The following SMYD3 variants were observed in gnomAD, a reference collection of about 807,000 sequenced individuals.
The protein encoded by SMYD3 is histone-lysine N-methyltransferase SMYD3.
A neutral mutation model predicts 57.7 loss-of-function variants in SMYD3; 36 were observed. The observed-to-expected ratio is 0.62, with a 90% CI of 0.48 to 0.82. The LOEUF is 0.82. SMYD3 is among the 40% of genes least tolerant of loss of function. SMYD3 has a pLI of 0.00. For missense variants in SMYD3, 515 were observed against 538.8 expected, an observed-to-expected ratio of 0.96 and a Z score of 0.44; for synonymous variants, 211 against 195.0, an observed-to-expected ratio of 1.08 and a Z score of -0.68.
In SMYD3 at chr1:246,261,346, C is replaced by T. The variant is rs565076782; in HGVS notation, c.531+65855G>A. On this transcript the variant is annotated intron_variant, in intron 5 of 11. Coordinates refer to ENST00000490107, the MANE Select transcript of SMYD3 (RefSeq NM_001167740.2). ...TGCTGGGATTACAAGCATGAGCCAC[C>T]GCACCCAGCTCTCTTTGTTTTTTTT... Among the ~76,000 whole-genome samples the T allele has an allele frequency of 1.2e-4, 18 of 150,442 alleles. No individual in the cohort carries two copies. In the South Asian group the frequency reaches 3.8e-3, roughly 32 times the overall value.
chr1:246,449,151 G>C (rs979872586), intron 1 of SMYD3, among the ~76,000 whole-genome samples: 3 of 152,080 alleles, frequency 2.0e-5, no homozygotes, highest in African/African-American at 7.2e-5. Context: ...AGAGTCACTT[G>C]AGCCTGGGAG....
chr1:246,396,381 T>C (rs572325610), intron 1 of SMYD3, among the ~76,000 whole-genome samples: 1 of 152,288 alleles, frequency 6.6e-6, no homozygotes, highest in African/African-American at 2.4e-5. Flanking sequence ...ACTAATTATA[T>C]ATCAAACCAC....
intron 5 of SMYD3, among the ~76,000 whole-genome samples, chr1:246,050,111 T>A (rs1467425723): frequency 2.6e-5 from 4 of 152,234 alleles, no homozygotes; most frequent in Non-Finnish European, 5.9e-5. Context: ...AAGCTAGTGT[T>A]CTTTTCACTT....
In SMYD3 at chr1:246,359,316, A is replaced by AC. The variant is rs2065954034; in HGVS notation, c.165-4223_165-4222insG. Among the ~76,000 whole-genome samples the AC allele has an allele frequency of 3.9e-5, 6 of 152,256 alleles. 1 individual carries two copies. The highest frequency in any genetic ancestry group is 3.9e-4 in the Admixed American group (6 of 15,284). On this transcript the variant is annotated intron_variant, in intron 1 of 11. Transcript: ENST00000490107. ...AACAAGCAGCAAGACTGAAATAGTAATTCTTTAAAAATTGCCAACAAGAAA... is the reference window on the plus strand; with the variant it reads ...AACAAGCAGCAAGACTGAAATAGTAACTTCTTTAAAAATTGCCAACAAGAAA...
chr1:246,146,678 G>C (rs2061848119), intron 5 of SMYD3, among the ~76,000 whole-genome samples: 1 of 152,142 alleles, frequency 6.6e-6, no homozygotes, highest in South Asian at 2.1e-4. Flanking sequence ...GGGAAGCAGA[G>C]ACTAGAAAGG....
chr1:245,790,157 A>G (rs2047208115), intron 10 of SMYD3, among the ~76,000 whole-genome samples: 1 of 152,232 alleles, frequency 6.6e-6, no homozygotes, highest in African/African-American at 2.4e-5. Flanking sequence ...GAGTCAGGAA[A>G]AACTTAGAAG....
intron 1 of SMYD3, among the ~76,000 whole-genome samples, chr1:246,361,712 G>C (rs1277490571): frequency 6.6e-6 from 1 of 152,126 alleles, no homozygotes; most frequent in Non-Finnish European, 1.5e-5. Context: ...ACCAAACATC[G>C]TATGTTCTCA....
intron 5 of SMYD3, among the ~76,000 whole-genome samples, chr1:246,260,113 C>T (rs955049100): frequency 6.6e-6 from 1 of 152,268 alleles, no homozygotes; most frequent in Non-Finnish European, 1.5e-5. Flanking sequence ...AGGATCTCTG[C>T]ACGGGAAGGA....
At chr1:246,298,529 TTCATAAAATA>T (rs1394915797) in intron 5 of SMYD3, among the ~76,000 whole-genome samples, 3 of 152,130 alleles carry the variant, frequency 2.0e-5, no homozygotes, top group Non-Finnish European at 4.4e-5. Context: ...CAAGTATCCC[TTCATAAAATA>T]TCAGAGACAA....
intron 11 of SMYD3, among the ~76,000 whole-genome samples, chr1:245,756,569 T>C (rs2045614395): frequency 6.6e-6 from 1 of 152,122 alleles, no homozygotes; most frequent in Non-Finnish European, 1.5e-5. Flanking sequence ...TAGTTTTCCT[T>C]CATCTGAAAA....
intron 5 of SMYD3, among the ~76,000 whole-genome samples, chr1:245,984,820 C>T (rs1476339849): frequency 6.6e-6 from 1 of 152,114 alleles, no homozygotes; most frequent in Non-Finnish European, 1.5e-5. Flanking sequence ...TCTCCCTGAC[C>T]TCCCTGGGAA....
rs371919008 is a variant in SMYD3, at chr1:246,343,109, C to G, written c.229-7635G>C. Among the ~76,000 whole-genome samples, 45 of 152,200 alleles carry G rather than the reference C, an allele frequency of 3.0e-4. No homozygotes were observed. In the East Asian group the frequency reaches 7.2e-3, roughly 24 times the overall value. On this transcript the variant is annotated intron_variant, in intron 2 of 11. Coordinates refer to ENST00000490107, the MANE Select transcript of SMYD3 (RefSeq NM_001167740.2). ...CGACAAAAATCATATGGCCACAAAG[C>G]CTAAAATATTTACTATATAGTTCTT...
chr1:246,348,233 T>C (rs956495325), intron 2 of SMYD3, among the ~76,000 whole-genome samples: 1 of 151,282 alleles, frequency 6.6e-6, no homozygotes, highest in Non-Finnish European at 1.5e-5. Flanking sequence ...CTGGCCAACA[T>C]GGTGAAACCC....
chr1:245,788,012 C>G (rs2047115172), intron 10 of SMYD3, among the ~76,000 whole-genome samples: 1 of 152,122 alleles, frequency 6.6e-6, no homozygotes, highest in Admixed American at 6.5e-5. Flanking sequence ...TGGGACCTGA[C>G]CAGATTAGCA....
chr1:246,081,184 A>C (rs146732442), intron 5 of SMYD3, among the ~76,000 whole-genome samples: 2,554 of 152,270 alleles, frequency 0.017, 34 homozygotes, highest in Non-Finnish European at 0.024. Flanking sequence ...GGTTACCTTC[A>C]AAATCTAAAG....
At chr1:245,839,431 A>G (rs2050282696) in intron 10 of SMYD3, among the ~76,000 whole-genome samples, 1 of 151,544 alleles carries the variant, frequency 6.6e-6, no homozygotes, top group Non-Finnish European at 1.5e-5. Context: ...GGCCTCCCAA[A>G]GTGCTGGGAT....
intron 5 of SMYD3, among the ~76,000 whole-genome samples, chr1:246,089,513 C>G (rs1558218339): frequency 6.6e-6 from 1 of 152,144 alleles, no homozygotes; most frequent in South Asian, 2.1e-4. Flanking sequence ...AGCTTAGATT[C>G]CTGAAATCAC....
intron 5 of SMYD3, chr1:246,321,681 A>G (rs2065251504): frequency 6.6e-6 from 1 of 152,056 alleles, no homozygotes; most frequent in Admixed American, 6.6e-5. Flanking sequence ...TTAGGAGTAT[A>G]TACATTTTCT....
intron 2 of SMYD3, among the ~76,000 whole-genome samples, chr1:246,341,826 G>A (rs868039130): frequency 6.6e-6 from 1 of 152,296 alleles, no homozygotes; most frequent in Middle Eastern, 3.4e-3. Flanking sequence ...TGGTTGGAGT[G>A]GATATCCATT....
Sources: allele counts gnomAD v4.1 joint callset (sites outside exome capture counted in the v4.1 genomes callset), GRCh38; gene constraint gnomAD v4.1.1; transcripts MANE v1.5; gene names NCBI Gene and HGNC (gene_info 2026-07-23, HGNC 2026-07-21).